ARVCF: variants seen among roughly 807,000 people sequenced by gnomAD.
ARVCF encodes the protein ARVCF delta catenin family member.
ARVCF carries 66 observed loss-of-function variants against 90.9 expected under a neutral mutation model. That is an observed-to-expected ratio of 0.73 (90% CI 0.60 to 0.89). ARVCF has a LOEUF of 0.89. ARVCF is among the 40% of genes least tolerant of loss of function. The pLI is 0.00. For synonymous variants in ARVCF, 653 were observed against 603.4 expected, an observed-to-expected ratio of 1.08 and a Z score of -1.21; for missense variants, 1,469 against 1,382.3, an observed-to-expected ratio of 1.06 and a Z score of -1.00.
intron 8 of ARVCF, 115 bp from the exon 9 acceptor site, chr22:19,977,701 T>G (rs2146283300): frequency 7.3e-7 from 1 of 1,378,056 alleles, no homozygotes; most frequent in East Asian, 2.5e-5. Context: ...GAACAGGGAG[T>G]CCTCAGTGGA....
chr22:19,971,027 G>A (rs534131798), intron 19 of ARVCF, among the ~76,000 whole-genome samples, 189 bp downstream of exon 19: 26 of 152,278 alleles, frequency 1.7e-4, no homozygotes, highest in African/African-American at 5.8e-4. Context: ...TGTGGGCCCA[G>A]GGAGCACCCT....
intron 18 of ARVCF, 24 bp downstream of exon 18, chr22:19,971,862 G>T (rs1435007887): frequency 6.2e-7 from 1 of 1,612,160 alleles, no homozygotes; most frequent in Admixed American, 1.7e-5. Flanking sequence ...CCGGGGACCT[G>T]CCCACAGCCA....
chr22:19,971,198 C>T lies in ARVCF; in HGVS notation c.*12+18G>A. ...AGGGCAGGAACAGGTGGACGAACAA[C>T]CAGATGAGAGAACGTACCAGGCATG... On this transcript the variant is annotated intron_variant, in intron 19 of 19. Transcript: ENST00000263207. 1.3e-6 allele frequency: 2 copies of T among 1,551,662 alleles called. No individual in the cohort carries two copies. Among genetic ancestry groups the T allele is most frequent in the Non-Finnish European group, 1.7e-6 (2 of 1,147,034 alleles).
At chr22:19,969,706 T>C (rs1008081424), downstream of ARVCF, 80 of 438,908 alleles carry the variant, frequency 1.8e-4, no homozygotes, top group African/African-American at 1.1e-3. Flanking sequence ...CTCCTATGGA[T>C]AGACAGACCA....
At chr22:20,012,489 G>A (rs1401888067) in intron 1 of ARVCF, among the ~76,000 whole-genome samples, 2 of 152,250 alleles carry the variant, frequency 1.3e-5, no homozygotes, top group African/African-American at 4.8e-5. Context: ...GGGAAGGTGG[G>A]GAGGTGCTCA....
At chr22:19,996,754 C>T (rs1034566) in intron 2 of ARVCF, among the ~76,000 whole-genome samples, 34,749 of 152,140 alleles carry the variant, frequency 0.23, 4,594 homozygotes, top group South Asian at 0.33. Flanking sequence ...ACCAGGCAGG[C>T]GAGTGAAAGC....
Position 19,981,251 on chromosome 22 carries a change from T to C in ARVCF, c.856A>G (p.Thr286Ala). Residue 286 changes from threonine (T) to alanine (A), a missense_variant, in exon 5 of 20, where the codon ACA (threonine) becomes GCA (alanine). Thr to Ala is a moderately conservative substitution (Grantham distance 58). Transcript: ENST00000263207. ...CGCCCACACTCAGGCCTCCTCCTTG[T>C]GGCCGTGCCATAGTCAGGCTCCAGC... ...PELEPDYGTA[T>A]RRRPECGRGL... 1.9e-6 allele frequency: 3 copies of C among 1,560,206 alleles called. No individual in the cohort carries two copies. The highest frequency in any genetic ancestry group is 2.6e-6 in the Non-Finnish European group (3 of 1,153,134).
intron 2 of ARVCF, among the ~76,000 whole-genome samples, chr22:20,007,628 G>A (rs565908849): frequency 6.6e-5 from 10 of 152,348 alleles, no homozygotes; most frequent in African/African-American, 2.2e-4. Flanking sequence ...GATTAATTCC[G>A]TTACAGTGGG....
chr22:19,995,639 T>C (rs1944220387), intron 2 of ARVCF, among the ~76,000 whole-genome samples: 1 of 151,826 alleles, frequency 6.6e-6, no homozygotes, highest in South Asian at 2.1e-4. Context: ...GTCCGGAAAA[T>C]GAAATTATGG....
Position 19,981,260 on chromosome 22 carries a change from C to T in ARVCF, c.847G>A (p.Gly283Ser), listed in dbSNP as rs1274647539. The T allele has an allele frequency of 6.4e-7, 1 of 1,566,030 alleles. No homozygotes were observed. Among genetic ancestry groups the T allele is most frequent in the Non-Finnish European group, 8.6e-7 (1 of 1,156,670 alleles). Residue 283 changes from glycine to serine, a missense_variant, in exon 5 of 20, where the codon GGC (glycine) becomes AGC (serine). Gly to Ser is a moderately conservative substitution (Grantham distance 56, BLOSUM62 0). Coordinates refer to ENST00000263207, the MANE Select transcript of ARVCF (RefSeq NM_001670.3). ...EGGPELEPDY[G>S]TATRRRPECG... is the part of the protein sequence containing the mutation. The stretch of plus-strand genomic sequence containing the variant: ...TCAGGCCTCCTCCTTGTGGCCGTGC[C>T]ATAGTCAGGCTCCAGCTCAGGGCCA...
downstream of ARVCF, chr22:19,968,486 C>G: frequency 6.4e-7 from 1 of 1,573,960 alleles, no homozygotes. Flanking sequence ...GGGGCAGGTT[C>G]TCTGGGCACC....
At chr22:20,015,353 G>A (rs1945009553) in intron 1 of ARVCF, among the ~76,000 whole-genome samples, 1 of 152,184 alleles carries the variant, frequency 6.6e-6, no homozygotes, top group Non-Finnish European at 1.5e-5. Context: ...TGCCTTCCCA[G>A]ACACGCTGCG....
chr22:19,994,351 G>C (rs1944145905), intron 2 of ARVCF, among the ~76,000 whole-genome samples: 1 of 132,974 alleles, frequency 7.5e-6, no homozygotes, highest in Non-Finnish European at 1.6e-5. Context: ...TAGACATACA[G>C]ATGAATGGAT....
At chr22:19,971,462 C>G in intron 18 of ARVCF, 127 bp from the exon 19 acceptor site, 1 of 1,197,610 alleles carries the variant, frequency 8.3e-7, no homozygotes, top group South Asian at 1.6e-5. Context: ...GCACAGGTAG[C>G]ACCAAGGGCG....
downstream of ARVCF, chr22:19,967,393 AT>A (rs61143203): frequency 0.11 from 42,551 of 385,838 alleles, 939 homozygotes; most frequent in East Asian, 0.37. Context: ...TTGCTAGGAC[AT>A]TTTTTTTTTT....
chr22:20,003,252 A>G (rs1378715785), intron 2 of ARVCF, among the ~76,000 whole-genome samples: 1 of 152,198 alleles, frequency 6.6e-6, no homozygotes, highest in African/African-American at 2.4e-5. Flanking sequence ...TCCAGCAAAG[A>G]TGGTTTCACT....
chr22:20,001,448 C>T (rs941736687), intron 2 of ARVCF, among the ~76,000 whole-genome samples: 1 of 152,188 alleles, frequency 6.6e-6, no homozygotes, highest in East Asian at 1.9e-4. Flanking sequence ...TAGGAAACAG[C>T]TGGTATGTGC....
At chr22:19,976,842 C>G (rs779657529) in intron 9 of ARVCF, 119 bp from the exon 10 acceptor site, 13 of 1,206,546 alleles carry the variant, frequency 1.1e-5, no homozygotes, top group Non-Finnish European at 1.5e-5. Flanking sequence ...ATCAAGCAGG[C>G]AGCATGTGGA....
At chr22:19,999,347 C>T (rs546921849) in intron 2 of ARVCF, among the ~76,000 whole-genome samples, 12 of 152,296 alleles carry the variant, frequency 7.9e-5, no homozygotes, top group African/African-American at 2.2e-4. Flanking sequence ...TGCGGCAGCA[C>T]GAGGAGGCAC....
Sources: gnomAD v4.1 joint callset for allele counts (sites outside exome capture counted in the v4.1 genomes callset) on GRCh38, gnomAD v4.1.1 for gene constraint, MANE v1.5 for transcripts, NCBI Gene and HGNC (gene_info 2026-07-23, HGNC 2026-07-21) for gene names.